Variants in SUN1 observed in about 807,000 individuals in gnomAD.
SUN1 encodes the protein SUN domain-containing protein 1.
In SUN1, 61 loss-of-function variants were observed where a neutral mutation model predicts 103.2. That is an observed-to-expected ratio of 0.59 (90% CI 0.48 to 0.73). The LOEUF (loss-of-function observed/expected upper bound fraction) is 0.73, where lower values mean the gene tolerates loss of function less well. SUN1 is among the 30% of genes least tolerant of loss of function. SUN1 has a pLI of 0.00. For synonymous variants in SUN1, 490 were observed against 425.7 expected (o/e 1.15, Z -1.86); for missense variants, 1,052 against 1,034.6 (o/e 1.02, Z -0.23).
chr7:823,288 C>T, intron 1 of SUN1, among the ~76,000 whole-genome samples: 1 of 152,192 alleles, frequency 6.6e-6, no homozygotes, highest in Non-Finnish European at 1.5e-5. Flanking sequence ...GATTTGTGTT[C>T]CTGCTGATCA....
At chr7:858,373 T>G (rs1765334771) in intron 13 of SUN1, among the ~76,000 whole-genome samples, 1 of 133,082 alleles carries the variant, frequency 7.5e-6, no homozygotes, top group Non-Finnish European at 1.6e-5. Flanking sequence ...TTGTTTAATT[T>G]CAACTCCCTT....
chr7:852,624 C>A lies in SUN1; in HGVS notation c.867C>A (p.Ile289=), dbSNP rs773538644. The stretch of plus-strand genomic sequence containing the variant: ...TTACTCCCAGGTGCCTTCGAAACAT[C>A]TGCAAGTTTTTAGTCTTGCTCATCC... ...VFLLTRCLRN[I]CKFLVLLIPL... Residue 289 remains isoleucine, a synonymous_variant, in exon 8 of 19, where the codon ATC becomes ATA. Coordinates refer to ENST00000401592, the MANE Select transcript of SUN1 (RefSeq NM_001130965.3). 6.2e-7 allele frequency: 1 copy of A among 1,614,232 alleles called. No individual in the cohort carries two copies. The highest frequency in any genetic ancestry group is 1.1e-5 in the South Asian group (1 of 91,086).
chr7:857,896 A>T lies in SUN1; in HGVS notation c.1463A>T (p.Glu488Val), dbSNP rs1183432776. The T allele has an allele frequency of 6.9e-6, 11 of 1,603,306 alleles. No homozygotes were observed. The highest frequency in any genetic ancestry group is 9.4e-6 in the Non-Finnish European group (11 of 1,171,412). The change falls in exon 13 of 19, where the codon GAG becomes GTG. Residue 488 changes from glutamate to valine, a missense_variant. Transcript: ENST00000401592. ...CTGGAGCTGGATCAGCTAAAGTCAG[A>T]GCTGTCCAGCTGGCGACACGTGAAG... ...LQLELDQLKS[E>V]LSSWRHVKTG...
chr7:843,896 C>G (rs1178441829), intron 5 of SUN1: 1 of 1,223,392 alleles, frequency 8.2e-7, no homozygotes, highest in Admixed American at 4.2e-5. Context: ...CTGGTCTGTC[C>G]TGTGAAGAGT....
intron 5 of SUN1, chr7:849,810 C>G: frequency 1.6e-6 from 2 of 1,215,032 alleles, no homozygotes; most frequent in Non-Finnish European, 2.4e-6. Context: ...TTGACTGTCT[C>G]GTGTGTAATT....
intron 1 of SUN1, among the ~76,000 whole-genome samples, chr7:825,122 G>A (rs537768368): frequency 3.5e-4 from 53 of 151,712 alleles, no homozygotes; most frequent in African/African-American, 1.2e-3. Context: ...GCAGTGGCAC[G>A]ATCTCAGCTC....
rs1257642527 is a variant in SUN1, at chr7:854,252, T to G, written c.1263+634T>G. Among the ~76,000 whole-genome samples the G allele has an allele frequency of 9.9e-5, 15 of 152,220 alleles. 1 individual carries two copies. The highest frequency in any genetic ancestry group is 1.5e-5 in the Non-Finnish European group (1 of 68,038). ...TTCCAGCACGTGCCTGTGGGTGTGA[T>G]CATGGCGGCGACTGGAACGCAGAGC... On this transcript the variant is annotated intron_variant, in intron 10 of 18. Coordinates refer to ENST00000401592, the MANE Select transcript of SUN1 (RefSeq NM_001130965.3).
At chr7:845,969 AG>A (rs1196281764) in intron 5 of SUN1, among the ~76,000 whole-genome samples, 1 of 151,954 alleles carries the variant, frequency 6.6e-6, no homozygotes, top group East Asian at 1.9e-4. Context: ...GGGTTCTCCT[AG>A]GCACCTGCAG....
upstream of SUN1, among the ~76,000 whole-genome samples, chr7:831,352 A>G (rs1797786623): frequency 6.6e-6 from 1 of 151,236 alleles, no homozygotes; most frequent in Admixed American, 6.6e-5. Flanking sequence ...GCTCACTGCA[A>G]GCTCCGCCTC....
rs1823859471 is a variant in SUN1 at position 853,177 on chromosome 7, T to C, written c.1053+225T>C. On this transcript the variant is annotated intron_variant, in intron 9 of 18. Transcript: ENST00000401592. ...GTTAGTTTTAATTTTAAAAACATAA[T>C]AGTATTCATCACTGTACAAAGTACA... 9.4e-6 allele frequency: 7 copies of C among 743,702 alleles called. No homozygotes were observed. In the South Asian group the frequency reaches 9.7e-5, roughly 10 times the overall value. The allele number at this position is 743,702 out of a possible 1,614,324, so 46.1% of individuals were successfully genotyped here.
chr7:838,916 G>T lies in SUN1; in HGVS notation c.196G>T (p.Gly66Trp). 6.2e-7 allele frequency: 1 copy of T among 1,611,428 alleles called. No individual in the cohort carries two copies. The highest frequency in any genetic ancestry group is 8.5e-7 in the Non-Finnish European group (1 of 1,179,246). The change falls in exon 2 of 19, where the codon GGG becomes TGG. Residue 66 changes from glycine to tryptophan, a missense_variant. By Grantham distance (184) the Gly-to-Trp change is radical. Around this residue, in one of 2 missense-constraint regions of SUN1, gnomAD observed 846 missense variants for 774.5 expected, o/e 1.09. Coordinates refer to ENST00000401592, the MANE Select transcript of SUN1 (RefSeq NM_001130965.3). The part of the protein sequence containing the change: ...LRLATTACTL[G>W]DGEAVGADSG... ...CCTGGCCACGACAGCATGCACCCTG[G>T]GGGATGGTGAGGCTGTGGGTGCCGA...
intron 12 of SUN1, among the ~76,000 whole-genome samples, chr7:856,962 C>A (rs1038014986): frequency 6.6e-6 from 1 of 152,202 alleles, no homozygotes; most frequent in Non-Finnish European, 1.5e-5. Flanking sequence ...ATCCATGGCA[C>A]AGCCGGGTCC....
chr7:840,423 G>A (rs919417290), intron 2 of SUN1, among the ~76,000 whole-genome samples: 3 of 152,206 alleles, frequency 2.0e-5, no homozygotes, highest in Non-Finnish European at 4.4e-5. Context: ...GCCGCGCTCT[G>A]CCGCGCCACG....
rs77128981 is a variant in SUN1 at position 817,688 on chromosome 7, T to C, written c.-74+1015T>C. Among the ~76,000 whole-genome samples, 1,246 of 152,350 alleles carry C rather than the reference T, an allele frequency of 8.2e-3. 62 individuals carry two copies. The East Asian group carries it at 0.15, about 19-fold the overall frequency. On this transcript the variant is annotated intron_variant, in intron 1 of 17. Coordinates refer to the SUN1 transcript ENST00000389574. ...AAGGCTTTTGTGTGTAATCTGTTTT[T>C]ACTCCCTACATCTCCACTGTGGAGA... is the stretch of plus-strand genomic sequence containing the variant.
intron 18 of SUN1, 137 bp downstream of exon 18, chr7:872,699 C>G (rs1238502798): frequency 2.9e-6 from 2 of 680,138 alleles, no homozygotes; most frequent in Admixed American, 5.3e-5. Flanking sequence ...CGCTTCCTGG[C>G]TCTGCGTTAA....
chr7:817,696 A>G (rs969968228), intron 1 of SUN1, among the ~76,000 whole-genome samples: 1 of 152,108 alleles, frequency 6.6e-6, no homozygotes, highest in Non-Finnish European at 1.5e-5. Context: ...TTTACTCCCT[A>G]CATCTCCACT....
intron 5 of SUN1, among the ~76,000 whole-genome samples, chr7:846,791 C>G (rs368204581): frequency 6.6e-6 from 1 of 151,658 alleles, no homozygotes; most frequent in Admixed American, 6.6e-5. Context: ...GTGGGAGGAT[C>G]GCTTGAGCTC....
chr7:817,393 T>G, intron 1 of SUN1: 1 of 1,533,916 alleles, frequency 6.5e-7, no homozygotes, highest in Non-Finnish European at 8.7e-7. Flanking sequence ...GCCTTCAAAG[T>G]GCCCAGAATG....
chr7:852,084 A>G, intron 7 of SUN1, 41 bp downstream of exon 7: 1 of 1,578,554 alleles, frequency 6.3e-7, no homozygotes, highest in Non-Finnish European at 8.7e-7. Flanking sequence ...GCTTTAAGGA[A>G]CCAATTTTGT....
Sources: gnomAD v4.1 joint callset for allele counts (sites outside exome capture counted in the v4.1 genomes callset) on GRCh38, gnomAD v4.1.1 for gene constraint, gnomAD v4.1.1 regional missense constraint, MANE v1.5 for transcripts, NCBI Gene and HGNC (gene_info 2026-07-23, HGNC 2026-07-21) for gene names.